The following CNTNAP2 variants were observed in gnomAD, a reference collection of about 807,000 sequenced individuals.
CNTNAP2 encodes the protein contactin associated protein 2.
CNTNAP2 carries 98 observed loss-of-function variants against 155.2 expected under a neutral mutation model. That is an observed-to-expected ratio of 0.63 (90% confidence interval 0.54 to 0.75). The LOEUF is 0.75. CNTNAP2 is among the 30% of genes least tolerant of loss of function. The pLI, the probability that CNTNAP2 is intolerant of heterozygous loss-of-function variation, is 0.00. For missense variants in CNTNAP2, 1,727 were observed against 1,688.1 expected, an observed-to-expected ratio of 1.02 and a Z score of -0.40; for synonymous variants, 651 against 631.2, an observed-to-expected ratio of 1.03 and a Z score of -0.47.
At chr7:148,068,838 T>C (rs1563188233) in intron 15 of CNTNAP2, among the ~76,000 whole-genome samples, 1 of 152,204 alleles carries the variant, frequency 6.6e-6, no homozygotes, top group Non-Finnish European at 1.5e-5. Flanking sequence ...CCAGGTTGTT[T>C]TATTACACAC....
chr7:147,260,270 T>C (rs149261990), intron 8 of CNTNAP2, among the ~76,000 whole-genome samples: 3,559 of 152,250 alleles, frequency 0.023, 72 homozygotes, highest in Non-Finnish European at 0.037. Context: ...TTAAGAGGGA[T>C]TCTTTAGCAT....
At chr7:147,090,700 G>A (rs1435696891) in intron 4 of CNTNAP2, among the ~76,000 whole-genome samples, 4 of 151,996 alleles carry the variant, frequency 2.6e-5, no homozygotes. Context: ...TAAAACAATT[G>A]ATATAATTAT....
chr7:147,620,506 ATAAC>A (rs1468435758), intron 12 of CNTNAP2, among the ~76,000 whole-genome samples: 1 of 149,930 alleles, frequency 6.7e-6, no homozygotes, highest in Non-Finnish European at 1.5e-5. Flanking sequence ...TTAATTAAAA[ATAAC>A]TAATATATCA....
intron 16 of CNTNAP2, among the ~76,000 whole-genome samples, chr7:148,134,796 G>A (rs73744752): frequency 0.023 from 3,522 of 152,192 alleles, 141 homozygotes; most frequent in African/African-American, 0.08. Flanking sequence ...ATTGTTTATC[G>A]TTGAATGATT....
intron 1 of CNTNAP2, among the ~76,000 whole-genome samples, chr7:146,141,559 A>G (rs1383409950): frequency 1.3e-5 from 2 of 152,134 alleles, no homozygotes; most frequent in African/African-American, 2.4e-5. Context: ...TAACAATTAC[A>G]TAATTAAAAG....
At chr7:146,387,713 G>A (rs1353421929) in intron 1 of CNTNAP2, among the ~76,000 whole-genome samples, 2 of 152,122 alleles carry the variant, frequency 1.3e-5, no homozygotes, top group Admixed American at 6.5e-5. Context: ...TGGCATCTAT[G>A]TTTCTGGCTG....
At chr7:148,004,610 T>A (rs529026738) in intron 15 of CNTNAP2, among the ~76,000 whole-genome samples, 1 of 152,284 alleles carries the variant, frequency 6.6e-6, no homozygotes, top group East Asian at 1.9e-4. Context: ...TCCAGTAAGT[T>A]CTCATAAGAC....
chr7:147,644,047 CTG>C lies in CNTNAP2; in HGVS notation c.2098+4743_2098+4744del, dbSNP rs138701256. Among the ~76,000 whole-genome samples the C allele has an allele frequency of 3.8e-3, 580 of 152,188 alleles. 2 individuals are homozygous for C. The highest frequency in any genetic ancestry group is 6.8e-3 in the Middle Eastern group (2 of 294). On this transcript the variant is annotated intron_variant, in intron 13 of 23. Coordinates refer to ENST00000361727, the MANE Select transcript of CNTNAP2 (RefSeq NM_014141.6). Reference sequence around the variant, plus strand: ...GGTCATGTCCATTCTCGCAATGTAACTGTTACTTCAGTTGTCCTCAGCTTTAC... The same window carrying C: ...GGTCATGTCCATTCTCGCAATGTAACTTACTTCAGTTGTCCTCAGCTTTAC...
At chr7:146,781,724 C>T (rs896347240) in intron 2 of CNTNAP2, among the ~76,000 whole-genome samples, 1 of 152,184 alleles carries the variant, frequency 6.6e-6, no homozygotes, top group East Asian at 1.9e-4. Context: ...ACTCTCAATT[C>T]TCTTGTCTCT....
At position 146,839,838 on chromosome 7, in the gene CNTNAP2, A is replaced by G. The variant is rs767427590; in HGVS notation, c.336A>G (p.Gln112=). Residue 112 remains glutamine, a synonymous_variant, in exon 3 of 24, where the codon CAA becomes CAG. Transcript: ENST00000361727. ...ATAGCAGCTCAGATTGGGTGACCCAATACCGGATGCTCTACAGCGACACAG... is the reference window on the plus strand; with the variant it reads ...ATAGCAGCTCAGATTGGGTGACCCAGTACCGGATGCTCTACAGCGACACAG... ...GRYSSSDWVT[Q]YRMLYSDTGR... is the part of the protein sequence containing the mutation. 1.2e-6 allele frequency: 2 copies of G among 1,614,156 alleles called. No individual in the cohort carries two copies. The highest frequency in any genetic ancestry group is 1.1e-5 in the South Asian group (1 of 91,084).
chr7:148,049,885 G>A (rs1018448045), intron 15 of CNTNAP2, among the ~76,000 whole-genome samples: 2 of 152,150 alleles, frequency 1.3e-5, no homozygotes, highest in Non-Finnish European at 2.9e-5. Context: ...GAAACAGGCA[G>A]GGTACAGTGG....
intron 1 of CNTNAP2, among the ~76,000 whole-genome samples, chr7:146,479,439 A>G (rs1484906491): frequency 6.6e-6 from 1 of 152,180 alleles, no homozygotes; most frequent in Non-Finnish European, 1.5e-5. Context: ...GGTGTCTTTC[A>G]TATTAGCTAT....
intron 16 of CNTNAP2, among the ~76,000 whole-genome samples, chr7:148,131,766 A>C (rs1055682568): frequency 3.9e-5 from 6 of 152,196 alleles, no homozygotes; most frequent in African/African-American, 1.4e-4. Flanking sequence ...AAGAGTTAAC[A>C]GTCAGTCAGT....
Position 146,721,875 on chromosome 7 carries a change from G to GTGTGTGTATATATA in CNTNAP2, c.98-52395_98-52394insGTGTGTATATATAT, listed in dbSNP as rs1332551916. On this transcript the variant is annotated intron_variant, in intron 1 of 23. Coordinates refer to ENST00000361727, the MANE Select transcript of CNTNAP2 (RefSeq NM_014141.6). ...TACATTTATATGTGTGTGTGTGTGT[G>GTGTGTGTATATATA]TATATATATATATATTTTTTTTTTT... Among the ~76,000 whole-genome samples, 11 of 76,658 alleles carry GTGTGTGTATATATA rather than the reference G, an allele frequency of 1.4e-4. 1 individual carries two copies. In the African/African-American group the frequency reaches 1.8e-3, roughly 13 times the overall value. 50.3% of individuals were successfully genotyped at this position (76,658 alleles called of 152,430 possible).
chr7:146,833,806 C>CT (rs1161017713), intron 2 of CNTNAP2, among the ~76,000 whole-genome samples: 1 of 152,206 alleles, frequency 6.6e-6, no homozygotes, highest in Non-Finnish European at 1.5e-5. Context: ...GATCCGGACT[C>CT]TGTCTGGCCT....
chr7:147,636,258 T>C (rs1299050350), intron 12 of CNTNAP2, among the ~76,000 whole-genome samples: 1 of 152,066 alleles, frequency 6.6e-6, no homozygotes, highest in Non-Finnish European at 1.5e-5. Flanking sequence ...AACTGGAAAG[T>C]GCTCTAGCAG....
chr7:146,670,361 G>T (rs898701701), intron 1 of CNTNAP2, among the ~76,000 whole-genome samples: 1 of 152,020 alleles, frequency 6.6e-6, no homozygotes, highest in African/African-American at 2.4e-5. Flanking sequence ...TCATTCCAGC[G>T]TATGCCATGG....
chr7:148,039,422 A>G (rs1802628831), intron 15 of CNTNAP2, among the ~76,000 whole-genome samples: 1 of 152,124 alleles, frequency 6.6e-6, no homozygotes, highest in South Asian at 2.1e-4. Flanking sequence ...TCACACCCCA[A>G]TCTCCTCTGG....
At chr7:146,796,664 G>T (rs1802774840) in intron 2 of CNTNAP2, among the ~76,000 whole-genome samples, 1 of 151,984 alleles carries the variant, frequency 6.6e-6, no homozygotes, top group Non-Finnish European at 1.5e-5. Context: ...ACATAGCTTG[G>T]CCACTTAAAA....
Sources: gnomAD v4.1 joint callset for allele counts (sites outside exome capture counted in the v4.1 genomes callset) on GRCh38, gnomAD v4.1.1 for gene constraint, MANE v1.5 for transcripts, NCBI Gene and HGNC (gene_info 2026-07-23, HGNC 2026-07-21) for gene names.